The following DIS3L2 variants were observed in gnomAD, a reference collection of about 807,000 sequenced individuals.
DIS3L2 encodes the protein DIS3-like exonuclease 2.
DIS3L2 carries 34 observed loss-of-function variants against 97.5 expected under a neutral mutation model. The observed-to-expected ratio is 0.35, with a 90% CI of 0.27 to 0.46. The LOEUF (loss-of-function observed/expected upper bound fraction) is 0.46. DIS3L2 is among the 20% of genes least tolerant of loss of function. The probability of loss-of-function intolerance (pLI) is 1.00; values close to 1 mark genes in which losing one functional copy is unlikely to be tolerated. For synonymous variants in DIS3L2, 435 were observed against 445.2 expected (o/e 0.98, Z 0.29); for missense variants, 1,038 against 1,146.0 (o/e 0.91, Z 1.36).
At chr2:232,146,020 G>C (rs1690205822) in intron 8 of DIS3L2, among the ~76,000 whole-genome samples, 1 of 152,198 alleles carries the variant, frequency 6.6e-6, no homozygotes, top group Admixed American at 6.5e-5. Flanking sequence ...TGATGAGGCA[G>C]ATCCACTCTA....
At chr2:232,078,625 A>C (rs1490738368) in intron 5 of DIS3L2, among the ~76,000 whole-genome samples, 5 of 152,196 alleles carry the variant, frequency 3.3e-5, no homozygotes, top group African/African-American at 9.6e-5. Context: ...TACTATGTGC[A>C]TTTTATTGTT....
At chr2:232,117,861 G>A (rs140786153) in intron 6 of DIS3L2, among the ~76,000 whole-genome samples, 70 of 152,324 alleles carry the variant, frequency 4.6e-4, no homozygotes, top group African/African-American at 1.5e-3. Flanking sequence ...ATCTCTCACT[G>A]TGTAACAAAT....
intron 6 of DIS3L2, among the ~76,000 whole-genome samples, chr2:232,107,929 C>G (rs1697400296): frequency 2.0e-5 from 3 of 152,044 alleles, no homozygotes; most frequent in Non-Finnish European, 4.4e-5. Context: ...GAAGAAAGCC[C>G]AGGACCAGAT....
At chr2:232,321,522 C>G (rs1305191872) in intron 14 of DIS3L2, among the ~76,000 whole-genome samples, 2 of 152,136 alleles carry the variant, frequency 1.3e-5, no homozygotes, top group Non-Finnish European at 2.9e-5. Context: ...CCACTCTGCC[C>G]TGCCCTCCTG....
chr2:232,285,481 G>T (rs1230713126), intron 13 of DIS3L2, among the ~76,000 whole-genome samples: 2 of 152,254 alleles, frequency 1.3e-5, no homozygotes, highest in African/African-American at 4.8e-5. Context: ...CCTTGAGGAG[G>T]CTGACATTCT....
chr2:232,030,140 G>A, intron 5 of DIS3L2, 60 bp downstream of exon 5: 3 of 1,436,782 alleles, frequency 2.1e-6, no homozygotes, highest in Non-Finnish European at 2.9e-6. Context: ...ATTCCATGGT[G>A]CACCAACAAG....
intron 9 of DIS3L2, among the ~76,000 whole-genome samples, chr2:232,206,081 C>A (rs2106212862): frequency 6.6e-6 from 1 of 152,332 alleles, no homozygotes; most frequent in African/African-American, 2.4e-5. Flanking sequence ...GAGGCCTGTG[C>A]AGGGCATTTC....
chr2:232,060,402 G>A (rs1695672474), intron 5 of DIS3L2, among the ~76,000 whole-genome samples: 1 of 152,024 alleles, frequency 6.6e-6, no homozygotes, highest in Non-Finnish European at 1.5e-5. Context: ...ATTTTGATGT[G>A]ATTTTTGTAT....
At chr2:232,181,294 A>G (rs13386977) in intron 9 of DIS3L2, among the ~76,000 whole-genome samples, 82,629 of 151,022 alleles carry the variant, frequency 0.55, 24,156 homozygotes, top group East Asian at 0.68. Context: ...TGTGTCTTGG[A>G]GTTGCTCTTC....
At chr2:232,339,635 A>G (rs1696062790), downstream of DIS3L2, 2 of 442,606 alleles carry the variant, frequency 4.5e-6, no homozygotes, top group Admixed American at 2.4e-5. Context: ...CAGGGTGTTC[A>G]GAGAACAAGG....
chr2:232,088,157 T>C (rs1174051170), intron 6 of DIS3L2, among the ~76,000 whole-genome samples: 1 of 152,150 alleles, frequency 6.6e-6, no homozygotes, highest in Non-Finnish European at 1.5e-5. Context: ...TCCCAGCACT[T>C]TGGGAGGCCG....
At chr2:232,288,715 C>A (rs779925589) in intron 13 of DIS3L2, among the ~76,000 whole-genome samples, 1 of 152,154 alleles carries the variant, frequency 6.6e-6, no homozygotes, top group South Asian at 2.1e-4. Context: ...TGGGAATGTC[C>A]CGTTTTCTTT....
At chr2:232,207,059 C>T (rs1006847503) in intron 9 of DIS3L2, among the ~76,000 whole-genome samples, 1 of 152,168 alleles carries the variant, frequency 6.6e-6, no homozygotes, top group African/African-American at 2.4e-5. Flanking sequence ...GGCTTCCCAC[C>T]TCCAACCAAG....
intron 9 of DIS3L2, among the ~76,000 whole-genome samples, chr2:232,184,375 C>T (rs996217228): frequency 6.6e-6 from 1 of 152,112 alleles, no homozygotes; most frequent in Non-Finnish European, 1.5e-5. Context: ...AGGTCGGGTG[C>T]GTGGCTCATA....
Position 232,015,319 on chromosome 2 carries a change from A to G in DIS3L2, c.53-195A>G, listed in dbSNP as rs527511177. ...TGTTGTTGTGCTGATTTAAAACTCA[A>G]GTCTCATCTGTGTATATTTTATTCA... On this transcript the variant is annotated intron_variant, in intron 2 of 20. Transcript: ENST00000325385. Among the ~76,000 whole-genome samples, 6 of 152,342 alleles carry G rather than the reference A, an allele frequency of 3.9e-5. No individual in the cohort carries two copies. The East Asian group carries it at 9.6e-4, about 24-fold the overall frequency.
At chr2:232,335,914 GA>G in intron 20 of DIS3L2, 40 bp downstream of exon 20, 1 of 1,548,964 alleles carries the variant, frequency 6.5e-7, no homozygotes, top group Middle Eastern at 1.9e-4. Flanking sequence ...AAGTCCTGAT[GA>G]CCCCTCTCCT....
At chr2:232,001,806 C>T (rs1168259261) in intron 1 of DIS3L2, among the ~76,000 whole-genome samples, 1 of 149,308 alleles carries the variant, frequency 6.7e-6, no homozygotes, top group African/African-American at 2.5e-5. Flanking sequence ...CTGCAAGCTC[C>T]ACCTCCCGGG....
chr2:232,124,361 A>G (rs928426620), intron 6 of DIS3L2, among the ~76,000 whole-genome samples: 1 of 152,348 alleles, frequency 6.6e-6, no homozygotes, highest in Middle Eastern at 3.4e-3. Flanking sequence ...AAACCAAAAA[A>G]TCCTTCTAGA....
At chr2:232,302,553 C>A (rs936113371) in intron 14 of DIS3L2, among the ~76,000 whole-genome samples, 31 of 140,010 alleles carry the variant, frequency 2.2e-4, no homozygotes, top group African/African-American at 8.5e-4. Flanking sequence ...TTTTCTTCTT[C>A]TTCTTTTTTT....
Sources: allele counts gnomAD v4.1 joint callset (sites outside exome capture counted in the v4.1 genomes callset), GRCh38; gene constraint gnomAD v4.1.1; transcripts MANE v1.5; gene names NCBI Gene and HGNC (gene_info 2026-07-23, HGNC 2026-07-21).